Variants in NFYA observed in about 807,000 individuals in gnomAD.
NFYA encodes CAAT-box DNA binding protein subunit A.
A neutral mutation model predicts 52.8 loss-of-function variants in NFYA; 28 were observed. The ratio of observed to expected loss-of-function variants is 0.53; its 90% confidence interval spans 0.39 to 0.73. The LOEUF is 0.73. Ranked by LOEUF, NFYA falls within the 30% of genes least tolerant of loss-of-function variation. The pLI is 0.00. For synonymous variants in NFYA, 150 were observed against 150.7 expected (o/e 1.00, Z 0.03); for missense variants, 234 against 427.0 (o/e 0.55, Z 3.98).
intron 3 of NFYA, 124 bp downstream of exon 3, chr6:41,081,021 A>G (rs969644860): frequency 8.6e-6 from 6 of 698,394 alleles, no homozygotes; most frequent in Admixed American, 2.3e-5. Flanking sequence ...TGATGCTGCT[A>G]ACTTGTCTTT....
chr6:41,092,213 G>A (rs995166903), intron 7 of NFYA, among the ~76,000 whole-genome samples: 1 of 152,160 alleles, frequency 6.6e-6, no homozygotes, highest in Admixed American at 6.5e-5. Context: ...TCTGCACAGA[G>A]GTGGAGGAAG....
At chr6:41,091,465 T>G in intron 6 of NFYA, 63 bp from the exon 7 acceptor site, 1 of 1,525,806 alleles carries the variant, frequency 6.6e-7, no homozygotes, top group Non-Finnish European at 9.0e-7. Context: ...GGACTAACTA[T>G]GTTCCCTTCT....
rs1206165399 is a variant in NFYA, at chr6:41,079,048, C to T, written c.-42C>T. 29 of 1,596,610 alleles carry T rather than the reference C, an allele frequency of 1.8e-5. No individual in the cohort carries two copies. The highest frequency in any genetic ancestry group is 2.5e-5 in the Non-Finnish European group (29 of 1,165,004). On this transcript the variant is annotated 5_prime_UTR_variant, in exon 2 of 10. Transcript: ENST00000341376. The stretch of plus-strand genomic sequence containing the variant: ...TAACAGGAGTGTACCTCACAGCCTT[C>T]TAGGATCTCCAGAGTGGACAGGAAT...
rs1764482622 is a variant in NFYA at position 41,100,940 on chromosome 6, G to C, written c.*3530G>C. On this transcript the variant is annotated 3_prime_UTR_variant, in exon 10 of 10. Transcript: ENST00000341376. ...CAAGGAAGCCTGCGCGGATTGATCG[G>C]CGGCAGGCCTCCAATAGAGCCTGCT... The C allele has an allele frequency of 1.3e-5, 2 of 152,276 alleles. No individual in the cohort carries two copies. Among genetic ancestry groups the C allele is most frequent in the Admixed American group, 6.5e-5 (1 of 15,288 alleles). 9.4% of individuals were successfully genotyped at this position (152,276 alleles called of 1,614,324 possible). A position where few individuals can be genotyped will look rare whatever the true frequency, so the allele number is the denominator to read the frequency against.
rs1764405942 is a variant in NFYA at position 41,097,945 on chromosome 6, T to G, written c.*535T>G. 6.5e-6 allele frequency: 1 copy of G among 153,102 alleles called. No homozygotes were observed. Among genetic ancestry groups the G allele is most frequent in the Non-Finnish European group, 1.5e-5 (1 of 68,368 alleles). The allele number at this position is 153,102 out of a possible 1,614,324, so 9.5% of individuals were successfully genotyped here. A position where few individuals can be genotyped will look rare whatever the true frequency, so the allele number is the denominator to read the frequency against. On this transcript the variant is annotated 3_prime_UTR_variant, in exon 10 of 10. Transcript: ENST00000341376. Reference sequence around the variant, plus strand: ...GGAAACAATAAATTCCTGAGATACATTCTTCCAATCTGTGGTAATAATAAG... The same window carrying G: ...GGAAACAATAAATTCCTGAGATACAGTCTTCCAATCTGTGGTAATAATAAG...
At position 41,092,910 on chromosome 6, in the gene NFYA, A is replaced by G; in HGVS notation, c.715-2A>G. 1 of 1,612,964 alleles carries G rather than the reference A, an allele frequency of 6.2e-7. No individual in the cohort carries two copies. The highest frequency in any genetic ancestry group is 8.5e-7 in the Non-Finnish European group (1 of 1,179,384). On this transcript the variant is annotated splice_acceptor_variant, in intron 7 of 9. Transcript: ENST00000341376. LOFTEE classifies it high-confidence loss of function. ...ATAAGCTCTGGTTTCCTGTTCACAC[A>G]GATGGTTCCTGGGGCTGGCTCTGTG...
At chr6:41,078,231 G>A (rs1247880013) in intron 1 of NFYA, among the ~76,000 whole-genome samples, 1 of 152,068 alleles carries the variant, frequency 6.6e-6, no homozygotes, top group African/African-American at 2.4e-5. Context: ...ACATATTTTG[G>A]TTTCTTCTTT....
chr6:41,087,737 G>C (rs1764085476), intron 4 of NFYA, among the ~76,000 whole-genome samples: 1 of 151,998 alleles, frequency 6.6e-6, no homozygotes, highest in African/African-American at 2.4e-5. Context: ...GTGTTCACTA[G>C]TTATATGAAA....
At chr6:41,078,238 C>T (rs1219914444) in intron 1 of NFYA, among the ~76,000 whole-genome samples, 2 of 152,186 alleles carry the variant, frequency 1.3e-5, no homozygotes, top group African/African-American at 4.8e-5. Context: ...TTGGTTTCTT[C>T]TTTCACACTG....
In NFYA at chr6:41,099,216, G is replaced by C. The variant is rs913591419; in HGVS notation, c.*1806G>C. The C allele has an allele frequency of 1.3e-5, 2 of 152,206 alleles. No individual in the cohort carries two copies. Among genetic ancestry groups the C allele is most frequent in the African/African-American group, 4.8e-5 (2 of 41,450 alleles). 9.4% of individuals were successfully genotyped at this position (152,206 alleles called of 1,614,324 possible). A position where few individuals can be genotyped will look rare whatever the true frequency, so the allele number is the denominator to read the frequency against. ...GAAACTTCTAGCTCTACAAGAGTTT[G>C]GGATATTAATGTTATTCAGTAAGTC... On this transcript the variant is annotated 3_prime_UTR_variant, in exon 10 of 10. Coordinates refer to ENST00000341376, the MANE Select transcript of NFYA (RefSeq NM_002505.5).
chr6:41,094,341 A>G (rs775466740), intron 8 of NFYA, 55 bp from the exon 9 acceptor site: 76 of 1,464,680 alleles, frequency 5.2e-5, no homozygotes, highest in Non-Finnish European at 6.3e-5. Context: ...GCACTAGATA[A>G]CTGTGCTGGT....
intron 7 of NFYA, among the ~76,000 whole-genome samples, chr6:41,092,675 TG>T (rs1259635649): frequency 6.6e-6 from 1 of 152,216 alleles, no homozygotes; most frequent in Non-Finnish European, 1.5e-5. Flanking sequence ...AATTAGGGCA[TG>T]GTTATATAGT....
intron 4 of NFYA, among the ~76,000 whole-genome samples, chr6:41,086,159 A>G (rs1288919955): frequency 1.3e-5 from 2 of 152,072 alleles, no homozygotes; most frequent in African/African-American, 4.8e-5. Flanking sequence ...TGTTGAGTAG[A>G]GACAATGTGG....
chr6:41,087,853 C>T (rs1343080923), intron 4 of NFYA, among the ~76,000 whole-genome samples: 1 of 152,068 alleles, frequency 6.6e-6, no homozygotes, highest in African/African-American at 2.4e-5. Context: ...TGATAACACT[C>T]CTAATAAAGT....
chr6:41,096,229 G>C (rs1764352420), intron 9 of NFYA, among the ~76,000 whole-genome samples: 1 of 152,074 alleles, frequency 6.6e-6, no homozygotes, highest in Non-Finnish European at 1.5e-5. Context: ...ATCAAACTAG[G>C]TTTCCTCAGT....
intron 1 of NFYA, among the ~76,000 whole-genome samples, chr6:41,074,032 G>T (rs1763650583): frequency 6.6e-6 from 1 of 151,920 alleles, no homozygotes; most frequent in Non-Finnish European, 1.5e-5. Context: ...ACAACTTGCT[G>T]TTCATATTAC....
In NFYA at chr6:41,090,138, G is replaced by A; in HGVS notation, c.442-66G>A. 1.1e-5 allele frequency: 12 copies of A among 1,087,112 alleles called. No individual in the cohort carries two copies. The South Asian group carries it at 1.6e-4, about 14-fold the overall frequency. 67.3% of individuals were successfully genotyped at this position (1,087,112 alleles called of 1,614,324 possible). On this transcript the variant is annotated intron_variant, in intron 5 of 9. Coordinates refer to ENST00000341376, the MANE Select transcript of NFYA (RefSeq NM_002505.5). ...CAAAAAAATAATTTTTTTTTTTAAG[G>A]ACTACATCGTTCTTTGTTAGTATCT...
intron 1 of NFYA, among the ~76,000 whole-genome samples, chr6:41,078,028 T>C (rs1763789296): frequency 6.6e-6 from 1 of 152,174 alleles, no homozygotes; most frequent in Non-Finnish European, 1.5e-5. Context: ...GAAATAAGAA[T>C]TTTCAAGTGT....
At position 41,098,971 on chromosome 6, in the gene NFYA, C is replaced by G. The variant is rs1243686553; in HGVS notation, c.*1561C>G. ...CCGAGGAACATTGGGGGTTAAATACCAAGAATAAAAATTGGTTCTTCTTTG... is the reference window on the plus strand; with the variant it reads ...CCGAGGAACATTGGGGGTTAAATACGAAGAATAAAAATTGGTTCTTCTTTG... On this transcript the variant is annotated 3_prime_UTR_variant, in exon 10 of 10. Transcript: ENST00000341376. The G allele has an allele frequency of 2.0e-5, 3 of 152,156 alleles. No homozygotes were observed. The highest frequency in any genetic ancestry group is 7.2e-5 in the African/African-American group (3 of 41,412). 9.4% of individuals were successfully genotyped at this position (152,156 alleles called of 1,614,324 possible).
Sources: allele counts gnomAD v4.1 joint callset (sites outside exome capture counted in the v4.1 genomes callset), GRCh38; gene constraint gnomAD v4.1.1; transcripts MANE v1.5; gene names NCBI Gene and HGNC (gene_info 2026-07-23, HGNC 2026-07-21).